EPHX4: variants seen among roughly 807,000 people sequenced by gnomAD.
EPHX4 encodes the protein epoxide hydrolase 4.
Under a neutral mutation model 44.9 loss-of-function variants are expected in EPHX4, and 31 were observed. The ratio of observed to expected loss-of-function variants is 0.69; its 90% CI spans 0.52 to 0.93. The LOEUF (loss-of-function observed/expected upper bound fraction) is 0.93, where lower values mean the gene tolerates loss of function less well. EPHX4 is among the 40% of genes least tolerant of loss of function. The probability of loss-of-function intolerance (pLI) is 0.00; values close to 1 mark genes in which losing one functional copy is unlikely to be tolerated. For missense variants in EPHX4, 373 were observed against 438.1 expected (o/e 0.85, Z 1.33); for synonymous variants, 151 against 159.7 (o/e 0.95, Z 0.41).
intron 4 of EPHX4, among the ~76,000 whole-genome samples, chr1:92,049,562 G>A (rs1013634302): frequency 1.5e-4 from 23 of 152,152 alleles, no homozygotes; most frequent in African/African-American, 5.6e-4. Context: ...GAATGAATGA[G>A]TTTTCTAGAT....
chr1:92,062,584 CAAAAAAA>C (rs1167530513), intron 6 of EPHX4, among the ~76,000 whole-genome samples: 96 of 20,092 alleles, frequency 4.8e-3, no homozygotes, highest in Middle Eastern at 0.026. Flanking sequence ...AACTCCATCT[CAAAAAAA>C]AAAAAAAAAA....
At chr1:92,055,675 T>C (rs1647351738) in intron 6 of EPHX4, among the ~76,000 whole-genome samples, 2 of 152,164 alleles carry the variant, frequency 1.3e-5, no homozygotes, top group African/African-American at 4.8e-5. Flanking sequence ...TTTTTGTTTT[T>C]TGTTTTCTGT....
chr1:92,057,605 GTT>G (rs558423394), intron 6 of EPHX4, among the ~76,000 whole-genome samples: 2 of 144,156 alleles, frequency 1.4e-5, no homozygotes, highest in Non-Finnish European at 3.1e-5. Context: ...AGGTAAGTTT[GTT>G]TTTTTTTTTT....
intron 2 of EPHX4, among the ~76,000 whole-genome samples, chr1:92,042,596 G>C (rs1688523487): frequency 6.6e-6 from 1 of 151,682 alleles, no homozygotes; most frequent in Non-Finnish European, 1.5e-5. Context: ...GTGATGGTGT[G>C]CACCTGTAGT....
intron 5 of EPHX4, among the ~76,000 whole-genome samples, chr1:92,050,801 A>G (rs1041115278): frequency 2.0e-5 from 3 of 151,652 alleles, no homozygotes; most frequent in Admixed American, 6.6e-5. Context: ...ACCAGTAGTC[A>G]TATGCAAGTA....
intron 4 of EPHX4, among the ~76,000 whole-genome samples, chr1:92,046,914 G>A (rs573539790): frequency 6.6e-6 from 1 of 152,210 alleles, no homozygotes; most frequent in Admixed American, 6.5e-5. Flanking sequence ...TAAGATGTTT[G>A]TTCACTGATT....
intron 6 of EPHX4, among the ~76,000 whole-genome samples, chr1:92,058,602 A>T (rs1647423275): frequency 6.6e-6 from 1 of 152,162 alleles, no homozygotes; most frequent in Non-Finnish European, 1.5e-5. Flanking sequence ...AGTGGACCTC[A>T]GAGAGGTGGG....
intron 2 of EPHX4, among the ~76,000 whole-genome samples, chr1:92,034,909 G>A (rs1480892889): frequency 1.3e-5 from 2 of 152,102 alleles, no homozygotes; most frequent in Non-Finnish European, 2.9e-5. Context: ...CTCTCAAAAT[G>A]TTGGGATTAC....
intron 2 of EPHX4, among the ~76,000 whole-genome samples, chr1:92,041,539 A>G (rs1439042563): frequency 6.6e-6 from 1 of 152,194 alleles, no homozygotes; most frequent in Non-Finnish European, 1.5e-5. Context: ...TGCAATACAG[A>G]AGCATTTTAC....
At chr1:92,044,950 C>T (rs1052002478) in intron 3 of EPHX4, among the ~76,000 whole-genome samples, 2 of 151,702 alleles carry the variant, frequency 1.3e-5, no homozygotes, top group African/African-American at 4.8e-5. Context: ...TCTTTTGTAC[C>T]CCCCCACACT....
rs1193891747 is a variant in EPHX4 at position 92,040,806 on chromosome 1, G to A, written c.318-2017G>A. Among the ~76,000 whole-genome samples the A allele has an allele frequency of 2.0e-5, 3 of 151,956 alleles. No individual in the cohort carries two copies. In the East Asian group the frequency reaches 5.8e-4, roughly 29 times the overall value. ...CTGTTGTGTGTCACTTCACATCGCAGCCCCCCTCTCAGGCTTATAATCTTA... is the reference window on the plus strand; with the variant it reads ...CTGTTGTGTGTCACTTCACATCGCAACCCCCCTCTCAGGCTTATAATCTTA... On this transcript the variant is annotated intron_variant, in intron 2 of 6. Transcript: ENST00000370383.
chr1:92,035,486 T>C (rs980963823), intron 2 of EPHX4, among the ~76,000 whole-genome samples: 3 of 152,194 alleles, frequency 2.0e-5, no homozygotes, highest in Non-Finnish European at 4.4e-5. Context: ...ATTCAGTAAA[T>C]ACTCATTTTC....
At chr1:92,036,459 G>A (rs1269918186) in intron 2 of EPHX4, among the ~76,000 whole-genome samples, 1 of 152,144 alleles carries the variant, frequency 6.6e-6, no homozygotes, top group Non-Finnish European at 1.5e-5. Context: ...ACTGGTCCCT[G>A]GATATCATTC....
chr1:92,035,509 C>G (rs1240879272), intron 2 of EPHX4, among the ~76,000 whole-genome samples: 2 of 152,170 alleles, frequency 1.3e-5, no homozygotes, highest in Non-Finnish European at 2.9e-5. Context: ...CCTTCATTCC[C>G]ATTCATTCAT....
chr1:92,030,312 TG>T lies in EPHX4; in HGVS notation c.231+3del. On this transcript the variant is annotated splice_donor_region_variant and intron_variant, in intron 1 of 6. Transcript: ENST00000370383. Reference sequence around the variant, plus strand: ...ACCCACTGCTACGTGCGGATCAAGGTGAAGGGCCGCGCGGGCCTGGCGGGAG... The same window carrying T: ...ACCCACTGCTACGTGCGGATCAAGGTAAGGGCCGCGCGGGCCTGGCGGGAG... The T allele has an allele frequency of 6.5e-7, 1 of 1,538,700 alleles. No individual in the cohort carries two copies. The highest frequency in any genetic ancestry group is 8.7e-7 in the Non-Finnish European group (1 of 1,143,396).
At chr1:92,041,552 ATGTTACTCCAC>A (rs1346727258) in intron 2 of EPHX4, among the ~76,000 whole-genome samples, 1 of 152,174 alleles carries the variant, frequency 6.6e-6, no homozygotes, top group Non-Finnish European at 1.5e-5. Flanking sequence ...CATTTTACTT[ATGTTACTCCAC>A]TGAAATTCCT....
At chr1:92,061,823 C>T (rs906035835) in intron 6 of EPHX4, among the ~76,000 whole-genome samples, 1 of 152,018 alleles carries the variant, frequency 6.6e-6, no homozygotes, top group Admixed American at 6.6e-5. Flanking sequence ...AGTATGGTTT[C>T]AAGAATATGC....
chr1:92,037,580 A>C (rs750951441), intron 2 of EPHX4, among the ~76,000 whole-genome samples: 1 of 152,130 alleles, frequency 6.6e-6, no homozygotes, highest in Non-Finnish European at 1.5e-5. Flanking sequence ...AGCTATATGG[A>C]ATGCATGCGT....
At position 92,063,097 on chromosome 1, in the gene EPHX4, A is replaced by G. The variant is rs752668942; in HGVS notation, c.900A>G (p.Leu300=). ...ATCACATGGTGACCACTCCAACACT[A>G]CTACTGTGGGGAGAGAATGACGCAT... ...LKHHMVTTPT[L]LLWGENDAFM... The change falls in exon 7 of 7, where the codon CTA becomes CTG. Residue 300 remains leucine, a synonymous_variant. Coordinates refer to ENST00000370383, the MANE Select transcript of EPHX4 (RefSeq NM_173567.5). 23 of 1,613,958 alleles carry G rather than the reference A, an allele frequency of 1.4e-5. No individual in the cohort carries two copies. The Admixed American group carries it at 2.2e-4, about 15-fold the overall frequency.
Sources: gnomAD v4.1 joint callset for allele counts (sites outside exome capture counted in the v4.1 genomes callset) on GRCh38, gnomAD v4.1.1 for gene constraint, MANE v1.5 for transcripts, NCBI Gene and HGNC (gene_info 2026-07-23, HGNC 2026-07-21) for gene names.